The following PDZRN4 variants were observed in gnomAD, a reference collection of about 807,000 sequenced individuals.
The protein encoded by PDZRN4 is PDZ domain-containing RING finger protein 4.
In PDZRN4, 70 loss-of-function variants were observed where a neutral mutation model predicts 99.0. The observed-to-expected ratio is 0.71, with a 90% confidence interval of 0.58 to 0.86. The LOEUF (loss-of-function observed/expected upper bound fraction) is 0.86. PDZRN4 is among the 40% of genes least tolerant of loss of function. The pLI is 0.00. For synonymous variants in PDZRN4, 551 were observed against 501.6 expected (o/e 1.10, Z -1.32); for missense variants, 1,474 against 1,331.2 (o/e 1.11, Z -1.67).
intron 3 of PDZRN4, among the ~76,000 whole-genome samples, chr12:41,263,952 T>C (rs576474617): frequency 1.3e-5 from 2 of 152,314 alleles, no homozygotes; most frequent in South Asian, 4.1e-4. Context: ...AAAATCAAGC[T>C]GTGGCCCAAA....
At chr12:41,388,674 C>A (rs560142767) in intron 3 of PDZRN4, among the ~76,000 whole-genome samples, 124 of 152,108 alleles carry the variant, frequency 8.2e-4, no homozygotes, top group African/African-American at 2.7e-3. Flanking sequence ...GAGAAATGTT[C>A]AGAAACAGCA....
intron 7 of PDZRN4, among the ~76,000 whole-genome samples, chr12:41,556,850 A>T (rs1161549056): frequency 6.6e-6 from 1 of 152,160 alleles, no homozygotes; most frequent in East Asian, 1.9e-4. Context: ...GTCCTCTCCC[A>T]TAAAGAATGG....
At chr12:41,228,395 G>T (rs899350364) in intron 3 of PDZRN4, among the ~76,000 whole-genome samples, 8 of 152,024 alleles carry the variant, frequency 5.3e-5, no homozygotes, top group Non-Finnish European at 1.0e-4. Context: ...TTTTTGTGCT[G>T]CTCTGAGAAT....
chr12:41,467,127 C>T (rs978615035), intron 3 of PDZRN4, among the ~76,000 whole-genome samples: 1 of 152,202 alleles, frequency 6.6e-6, no homozygotes, highest in Non-Finnish European at 1.5e-5. Flanking sequence ...CTGATGGGAT[C>T]ATGGCATACC....
chr12:41,278,190 G>T (rs1261963987), intron 3 of PDZRN4, among the ~76,000 whole-genome samples: 2 of 152,158 alleles, frequency 1.3e-5, no homozygotes, highest in Non-Finnish European at 2.9e-5. Context: ...AAGACTGAAA[G>T]AGGAGGCTTT....
intron 3 of PDZRN4, among the ~76,000 whole-genome samples, chr12:41,251,657 T>C (rs1448204128): frequency 6.6e-6 from 1 of 152,182 alleles, no homozygotes; most frequent in Non-Finnish European, 1.5e-5. Context: ...ACCTTTTCCA[T>C]GAACTGTTTG....
chr12:41,489,141 G>A (rs1176044008), intron 3 of PDZRN4, among the ~76,000 whole-genome samples: 2 of 148,308 alleles, frequency 1.3e-5, no homozygotes, highest in Non-Finnish European at 2.9e-5. Flanking sequence ...TTTTATGTGT[G>A]GCCCAAGACA....
intron 3 of PDZRN4, among the ~76,000 whole-genome samples, chr12:41,279,948 G>A (rs1951372427): frequency 6.6e-6 from 1 of 152,114 alleles, no homozygotes; most frequent in Admixed American, 6.5e-5. Flanking sequence ...GAACAGCTGT[G>A]GTCTGCAGCT....
chr12:41,243,662 C>A (rs1407270466), intron 3 of PDZRN4, among the ~76,000 whole-genome samples: 1 of 152,060 alleles, frequency 6.6e-6, no homozygotes, highest in Non-Finnish European at 1.5e-5. Flanking sequence ...ATAAAATTAT[C>A]TTTCATACTT....
intron 6 of PDZRN4, among the ~76,000 whole-genome samples, chr12:41,553,892 G>C (rs947006267): frequency 3.3e-5 from 5 of 151,652 alleles, no homozygotes; most frequent in African/African-American, 1.2e-4. Flanking sequence ...AATATACTGA[G>C]CTTCAGCTTT....
intron 3 of PDZRN4, among the ~76,000 whole-genome samples, chr12:41,468,966 G>A (rs2733279): frequency 0.015 from 2,323 of 151,158 alleles, 81 homozygotes; most frequent in African/African-American, 0.052. Flanking sequence ...CCGAGATTGC[G>A]CCACTTCACT....
intron 3 of PDZRN4, among the ~76,000 whole-genome samples, chr12:41,398,416 G>T (rs914852901): frequency 6.6e-6 from 1 of 151,902 alleles, no homozygotes; most frequent in Admixed American, 6.6e-5. Flanking sequence ...AGTAGTTCAA[G>T]TTAGAAAAGA....
chr12:41,349,676 C>G (rs2121034930), intron 3 of PDZRN4, among the ~76,000 whole-genome samples: 1 of 152,112 alleles, frequency 6.6e-6, no homozygotes, highest in East Asian at 1.9e-4. Flanking sequence ...GTACCCAGCA[C>G]CACAAGAGAA....
chr12:41,215,743 C>T (rs1950916336), intron 3 of PDZRN4, among the ~76,000 whole-genome samples: 1 of 151,922 alleles, frequency 6.6e-6, no homozygotes, highest in Non-Finnish European at 1.5e-5. Flanking sequence ...TTTCACCTCT[C>T]ATCCTAATAC....
At chr12:41,218,349 T>A (rs1399337783) in intron 3 of PDZRN4, among the ~76,000 whole-genome samples, 3 of 152,042 alleles carry the variant, frequency 2.0e-5, no homozygotes, top group Non-Finnish European at 4.4e-5. Flanking sequence ...AAGAAATACA[T>A]CAAGGGCTGA....
At chr12:41,247,757 T>C (rs1355401799) in intron 3 of PDZRN4, among the ~76,000 whole-genome samples, 1 of 152,206 alleles carries the variant, frequency 6.6e-6, no homozygotes, top group East Asian at 1.9e-4. Context: ...CCAAAATATT[T>C]AAAGACTTTA....
intron 3 of PDZRN4, among the ~76,000 whole-genome samples, chr12:41,323,242 A>G (rs1951691605): frequency 6.6e-6 from 1 of 152,164 alleles, no homozygotes; most frequent in South Asian, 2.1e-4. Context: ...TATGGAGAGG[A>G]CATGCCTTAA....
chr12:41,298,722 A>G (rs1409906281), intron 3 of PDZRN4, among the ~76,000 whole-genome samples: 1 of 152,204 alleles, frequency 6.6e-6, no homozygotes, highest in Non-Finnish European at 1.5e-5. Flanking sequence ...TAAATGAGCC[A>G]AACAGGTGAA....
At chr12:41,437,913 A>T (rs781528433) in intron 3 of PDZRN4, 1 of 1,613,852 alleles carries the variant, frequency 6.2e-7, no homozygotes, top group South Asian at 1.1e-5. Context: ...TGGGGAAATT[A>T]GAAGATTTGC....
Sources: allele counts gnomAD v4.1 joint callset (sites outside exome capture counted in the v4.1 genomes callset), GRCh38; gene constraint gnomAD v4.1.1; transcripts MANE v1.5; gene names NCBI Gene and HGNC (gene_info 2026-07-23, HGNC 2026-07-21).